EIF2B3: variants seen among roughly 807,000 people sequenced by gnomAD.
The protein encoded by EIF2B3 is translation initiation factor eIF2B subunit gamma.
EIF2B3 carries 20 observed loss-of-function variants against 54.1 expected under a neutral mutation model. The ratio of observed to expected loss-of-function variants is 0.37; its 90% CI spans 0.26 to 0.54. The LOEUF (loss-of-function observed/expected upper bound fraction) is 0.54. Ranked by LOEUF, EIF2B3 falls within the 20% of genes least tolerant of loss-of-function variation. The pLI is 0.86. For missense variants in EIF2B3, 448 were observed against 547.8 expected (o/e 0.82, Z 1.82); for synonymous variants, 153 against 188.1 (o/e 0.81, Z 1.52).
At chr1:44,947,018 C>G (rs1644109800) in intron 3 of EIF2B3, among the ~76,000 whole-genome samples, 1 of 152,114 alleles carries the variant, frequency 6.6e-6, no homozygotes, top group Admixed American at 6.6e-5. Context: ...CTGAACATGC[C>G]AACACTCAGC....
Position 44,881,818 on chromosome 1 carries a change from G to C in EIF2B3, c.657-79C>G, listed in dbSNP as rs1655410882. On this transcript the variant is annotated intron_variant, in intron 6 of 11. Coordinates refer to ENST00000360403, the MANE Select transcript of EIF2B3 (RefSeq NM_020365.5). This position sits in a 1 kb window ranked among gnomAD's most constrained non-coding sequence, Gnocchi z 4.0. ...GGATCAAAAGCTCTGTGCATACAAG[G>C]AAAAGCCAAATCCTTTCCTGTCATG... 6.3e-7 allele frequency: 1 copy of C among 1,580,796 alleles called. No homozygotes were observed. Among genetic ancestry groups the C allele is most frequent in the Non-Finnish European group, 8.6e-7 (1 of 1,157,668 alleles).
intron 5 of EIF2B3, among the ~76,000 whole-genome samples, chr1:44,922,072 A>G (rs930426043): frequency 6.6e-6 from 1 of 150,586 alleles, no homozygotes; most frequent in Admixed American, 6.6e-5. Flanking sequence ...ACGCTCAGCT[A>G]ATTTTTGTAT....
intron 3 of EIF2B3, among the ~76,000 whole-genome samples, chr1:44,955,079 T>C (rs1464848435): frequency 6.6e-6 from 1 of 152,094 alleles, no homozygotes; most frequent in East Asian, 1.9e-4. Flanking sequence ...GCCGACTTGA[T>C]TGTGGTGGCT....
At chr1:44,882,252 G>A (rs1007363615) in intron 6 of EIF2B3, among the ~76,000 whole-genome samples, 4 of 152,306 alleles carry the variant, frequency 2.6e-5, no homozygotes, top group African/African-American at 9.6e-5. Context: ...AGAAGGTTAA[G>A]CTAATCAGGT....
chr1:44,938,368 C>T (rs1643980270), intron 4 of EIF2B3, among the ~76,000 whole-genome samples: 2 of 105,030 alleles, frequency 1.9e-5, no homozygotes, highest in South Asian at 6.0e-4. Context: ...GAAAACTTGA[C>T]AGGAGTGATG....
chr1:44,904,495 A>G (rs933082557), intron 5 of EIF2B3, among the ~76,000 whole-genome samples: 7 of 152,172 alleles, frequency 4.6e-5, no homozygotes, highest in Non-Finnish European at 1.0e-4. Context: ...CCTTCAGATA[A>G]TCACCTTCTA....
At chr1:44,928,318 G>A (rs1161831510) in intron 4 of EIF2B3, among the ~76,000 whole-genome samples, 1 of 151,404 alleles carries the variant, frequency 6.6e-6, no homozygotes, top group Non-Finnish European at 1.5e-5. Context: ...GTGGTGGCAG[G>A]CGCCTGTAAT....
At position 44,951,954 on chromosome 1, in the gene EIF2B3, ATT is replaced by A. The variant is rs1171020644; in HGVS notation, c.295-10291_295-10290del. 6.1e-3 allele frequency among the ~76,000 whole-genome samples: 272 copies of A among 44,632 alleles called. 6 individuals carry two copies. The highest frequency in any genetic ancestry group is 0.031 in the African/African-American group (225 of 7,320). 29.3% of individuals were successfully genotyped at this position (44,632 alleles called of 152,430 possible). ...AGGGGCGCACCACCATGCCTGGCTA[ATT>A]TTTTTTTTTTTTTTTTTTTTTTTTG... On this transcript the variant is annotated intron_variant, in intron 3 of 11. Transcript: ENST00000360403.
chr1:44,959,265 CTT>C, intron 3 of EIF2B3: 5 of 671,138 alleles, frequency 7.5e-6, no homozygotes, highest in South Asian at 4.6e-5. Flanking sequence ...CAGTTCAGAC[CTT>C]TTTTTTTGTG....
intron 10 of EIF2B3, among the ~76,000 whole-genome samples, chr1:44,873,593 G>T (rs1281572064): frequency 6.6e-6 from 1 of 151,910 alleles, no homozygotes; most frequent in Non-Finnish European, 1.5e-5. Context: ...TACAGGTTAT[G>T]TATCCCTTAT....
At chr1:44,875,477 G>T (rs1173316395) in intron 9 of EIF2B3, 141 bp downstream of exon 9, 4 of 797,888 alleles carry the variant, frequency 5.0e-6, no homozygotes, top group Non-Finnish European at 8.7e-6. Context: ...TGTTGAGTGA[G>T]ATTTTATTCT....
At chr1:44,885,889 C>A (rs1475402092) in intron 6 of EIF2B3, among the ~76,000 whole-genome samples, 4 of 149,428 alleles carry the variant, frequency 2.7e-5, no homozygotes, top group African/African-American at 5.0e-5. Flanking sequence ...TGCCTGACAC[C>A]ACGCTTGGCT....
chr1:44,875,937 G>A (rs55893665), intron 8 of EIF2B3, among the ~76,000 whole-genome samples: 23,019 of 152,202 alleles, frequency 0.15, 1,862 homozygotes, highest in Non-Finnish European at 0.17. Flanking sequence ...GGCGCGCGCC[G>A]CCACGCCTGA....
chr1:44,974,376 G>A (rs1644431996), intron 3 of EIF2B3, among the ~76,000 whole-genome samples: 1 of 151,532 alleles, frequency 6.6e-6, no homozygotes, highest in African/African-American at 2.4e-5. Flanking sequence ...GGGAGGCTTA[G>A]GTAGGAGGAT....
At chr1:44,878,998 C>T (rs939455346) in intron 8 of EIF2B3, among the ~76,000 whole-genome samples, 1 of 152,012 alleles carries the variant, frequency 6.6e-6, no homozygotes, top group Non-Finnish European at 1.5e-5. Flanking sequence ...TGGACTCAAG[C>T]GATCCACCTG....
rs60006087 is a variant in EIF2B3 at position 44,869,593 on chromosome 1, C to CTTTTTTT, written c.1202+5078_1202+5084dup. Reference sequence around the variant, plus strand: ...AAAATCAGGCACAAAGAGGTAAGGCCTTTTTTTTTTTTTTTTTTTTTTTTT... The same window carrying CTTTTTTT: ...AAAATCAGGCACAAAGAGGTAAGGCCTTTTTTTTTTTTTTTTTTTTTTTTTTTTTTTT... On this transcript the variant is annotated intron_variant, in intron 10 of 11. Coordinates refer to ENST00000360403, the MANE Select transcript of EIF2B3 (RefSeq NM_020365.5). Among the ~76,000 whole-genome samples, 16 of 71,234 alleles carry CTTTTTTT rather than the reference C, an allele frequency of 2.2e-4. 1 individual carries two copies. Among genetic ancestry groups the CTTTTTTT allele is most frequent in the East Asian group, 4.6e-4 (1 of 2,158 alleles). The allele number at this position is 71,234 out of a possible 152,430, so 46.7% of individuals were successfully genotyped here. A position where few individuals can be genotyped will look rare whatever the true frequency, so the allele number is the denominator to read the frequency against.
intron 5 of EIF2B3, among the ~76,000 whole-genome samples, chr1:44,908,886 G>T (rs1324488753): frequency 6.6e-6 from 1 of 152,176 alleles, no homozygotes; most frequent in Non-Finnish European, 1.5e-5. Flanking sequence ...AGTCATGGAT[G>T]GGGTAGCTGG....
At chr1:44,900,462 A>AT in intron 5 of EIF2B3, among the ~76,000 whole-genome samples, 1 of 150,802 alleles carries the variant, frequency 6.6e-6, no homozygotes, top group South Asian at 2.1e-4. Flanking sequence ...AAAAAAAAAA[A>AT]AAAAAAGGGA....
intron 4 of EIF2B3, among the ~76,000 whole-genome samples, chr1:44,930,716 C>T (rs546300291): frequency 1.3e-4 from 20 of 152,226 alleles, no homozygotes; most frequent in Non-Finnish European, 2.6e-4. Flanking sequence ...CCTTGGCTCA[C>T]TGCAACCTCC....
Sources: allele counts gnomAD v4.1 joint callset (sites outside exome capture counted in the v4.1 genomes callset), GRCh38; gene constraint gnomAD v4.1.1; non-coding constraint Gnocchi (gnomAD v3.1); transcripts MANE v1.5; gene names NCBI Gene and HGNC (gene_info 2026-07-23, HGNC 2026-07-21).